DLGAP2: variants seen among roughly 807,000 people sequenced by gnomAD.
DLGAP2 encodes DLG associated protein 2, also known as disks large-associated protein 2.
A neutral mutation model predicts 100.3 loss-of-function variants in DLGAP2; 26 were observed. The observed-to-expected ratio is 0.26, with a 90% CI of 0.19 to 0.36. The LOEUF (loss-of-function observed/expected upper bound fraction) is 0.36, where lower values mean the gene tolerates loss of function less well. Ranked by LOEUF, DLGAP2 falls within the 10% of genes least tolerant of loss-of-function variation. DLGAP2 has a pLI of 1.00. For missense variants in DLGAP2, 1,858 were observed against 1,453.2 expected (o/e 1.28, Z -4.53); for synonymous variants, 886 against 630.1 (o/e 1.41, Z -6.08).
At chr8:1,326,080 A>G (rs528331467) in intron 3 of DLGAP2, among the ~76,000 whole-genome samples, 7 of 152,328 alleles carry the variant, frequency 4.6e-5, no homozygotes, top group African/African-American at 9.6e-5. Flanking sequence ...AGTGGACTCA[A>G]CTATACAGCT....
chr8:1,492,418 A>C (rs998274582), intron 3 of DLGAP2, among the ~76,000 whole-genome samples: 6 of 152,226 alleles, frequency 3.9e-5, no homozygotes. Context: ...ACTTTTCAAG[A>C]GTTAGAAGAA....
chr8:761,985 C>G (rs1008326810), intron 1 of DLGAP2, among the ~76,000 whole-genome samples: 1 of 152,170 alleles, frequency 6.6e-6, no homozygotes, highest in African/African-American at 2.4e-5. Context: ...CGAGGAGGAA[C>G]TGATGAACCC....
intron 2 of DLGAP2, among the ~76,000 whole-genome samples, chr8:983,744 G>A (rs1800408334): frequency 6.6e-6 from 1 of 152,048 alleles, no homozygotes; most frequent in Non-Finnish European, 1.5e-5. Context: ...CCAGGCTCAA[G>A]CAATCCTTTC....
At chr8:1,139,939 C>T (rs954483417) in intron 2 of DLGAP2, among the ~76,000 whole-genome samples, 4 of 152,142 alleles carry the variant, frequency 2.6e-5, no homozygotes, top group Non-Finnish European at 4.4e-5. Flanking sequence ...TGGTATTTGG[C>T]AGAGCGAGGC....
At chr8:1,267,581 AATAAAATAAGATAAGATAAGATAAG>A (rs1351124172) in intron 3 of DLGAP2, among the ~76,000 whole-genome samples, 4 of 64,956 alleles carry the variant, frequency 6.2e-5, no homozygotes, top group South Asian at 3.8e-4. Context: ...AATAAAATAA[AATAAAATAAGATAAGATAAGATAAG>A]ATAAGATAAG....
intron 1 of DLGAP2, among the ~76,000 whole-genome samples, chr8:773,272 A>G (rs1364320670): frequency 2.6e-5 from 4 of 151,066 alleles, no homozygotes; most frequent in African/African-American, 7.3e-5. Flanking sequence ...CAAGGGCACT[A>G]ATCCTATTGG....
intron 2 of DLGAP2, among the ~76,000 whole-genome samples, chr8:956,902 G>C (rs1402434388): frequency 6.6e-6 from 1 of 152,176 alleles, no homozygotes. Context: ...TTCCATGAGA[G>C]AATGGATGAA....
chr8:1,157,762 C>T (rs1796818627), intron 2 of DLGAP2, among the ~76,000 whole-genome samples: 1 of 152,220 alleles, frequency 6.6e-6, no homozygotes, highest in African/African-American at 2.4e-5. Context: ...CGTGGAGCTT[C>T]GTCATTTGAA....
chr8:1,165,249 A>C lies in DLGAP2; in HGVS notation c.74-93602A>C, dbSNP rs976086383. ...GGAGGAACAGAGGCAGAGGGAGAGG[A>C]AGACAGATGGAGAAGAAGGGAGACA... On this transcript the variant is annotated intron_variant, in intron 2 of 14. Transcript: ENST00000637795. Among the ~76,000 whole-genome samples, 4 of 151,206 alleles carry C rather than the reference A, an allele frequency of 2.6e-5. 1 individual carries two copies. Among genetic ancestry groups the C allele is most frequent in the Admixed American group, 2.0e-4 (3 of 15,202 alleles).
At chr8:1,559,900 G>A (rs201029619) in intron 5 of DLGAP2, among the ~76,000 whole-genome samples, 102 of 152,174 alleles carry the variant, frequency 6.7e-4, no homozygotes, top group East Asian at 5.2e-3. Flanking sequence ...AAGTAAACCC[G>A]GACCTCACCC....
intron 2 of DLGAP2, among the ~76,000 whole-genome samples, chr8:1,033,192 C>T (rs1047164741): frequency 2.2e-4 from 33 of 152,072 alleles, no homozygotes; most frequent in Admixed American, 2.2e-3. Flanking sequence ...TGATCATGGC[C>T]ATCAGCTCAG....
At chr8:1,559,266 T>A (rs1455273459) in intron 5 of DLGAP2, among the ~76,000 whole-genome samples, 2 of 152,188 alleles carry the variant, frequency 1.3e-5, no homozygotes, top group Non-Finnish European at 1.5e-5. Flanking sequence ...GGAAAGAAAT[T>A]TATTCATTCC....
At chr8:1,009,294 ATGTTCCC>A (rs1801210107) in intron 2 of DLGAP2, among the ~76,000 whole-genome samples, 2 of 152,216 alleles carry the variant, frequency 1.3e-5, no homozygotes, top group African/African-American at 4.8e-5. Context: ...AGACATTAGA[ATGTTCCC>A]AGTTTCCATT....
At chr8:970,833 T>A (rs990421648) in intron 2 of DLGAP2, among the ~76,000 whole-genome samples, 5 of 152,210 alleles carry the variant, frequency 3.3e-5, no homozygotes, top group Non-Finnish European at 5.9e-5. Flanking sequence ...ACCAAAGAGA[T>A]GCAATGAAAT....
intron 6 of DLGAP2, among the ~76,000 whole-genome samples, chr8:1,578,890 C>T (rs954697821): frequency 6.6e-6 from 1 of 152,230 alleles, no homozygotes; most frequent in African/African-American, 2.4e-5. Context: ...ATGGCCCCGT[C>T]TGTGGGTCAG....
intron 2 of DLGAP2, among the ~76,000 whole-genome samples, chr8:1,172,702 A>C (rs899949761): frequency 6.6e-6 from 1 of 151,912 alleles, no homozygotes; most frequent in African/African-American, 2.4e-5. Flanking sequence ...TGCATTCTTC[A>C]CATAGTTCCC....
At position 898,841 on chromosome 8, in the gene DLGAP2, G is replaced by A. The variant is rs1276153237; in HGVS notation, c.19-9071G>A. Among the ~76,000 whole-genome samples, 5 of 152,224 alleles carry A rather than the reference G, an allele frequency of 3.3e-5. No individual in the cohort carries two copies. In the South Asian group the frequency reaches 8.3e-4, roughly 25 times the overall value. On this transcript the variant is annotated intron_variant, in intron 1 of 14. Coordinates refer to ENST00000637795, the MANE Select transcript of DLGAP2 (RefSeq NM_001346810.2). The stretch of plus-strand genomic sequence containing the variant: ...TGGAGTTTCAGCTGCAGCTTTGAAG[G>A]GGGTTAATGGAGTGGATATCCCTGT...
At position 1,538,545 on chromosome 8, in the gene DLGAP2, C is replaced by T. The variant is rs535352493; in HGVS notation, c.173-10081C>T. On this transcript the variant is annotated intron_variant, in intron 4 of 14. Coordinates refer to ENST00000637795, the MANE Select transcript of DLGAP2 (RefSeq NM_001346810.2). ...CCATTTTGTGAAAAGATGAAAGCTGCTCCGTGCAGGGCGCATTCTGTGCAG... is the reference window on the plus strand; with the variant it reads ...CCATTTTGTGAAAAGATGAAAGCTGTTCCGTGCAGGGCGCATTCTGTGCAG... Among the ~76,000 whole-genome samples the T allele has an allele frequency of 1.1e-4, 17 of 152,330 alleles. No individual in the cohort carries two copies. The East Asian group carries it at 2.7e-3, about 24-fold the overall frequency.
chr8:1,151,542 C>T (rs906509385), intron 2 of DLGAP2, among the ~76,000 whole-genome samples: 9 of 152,148 alleles, frequency 5.9e-5, no homozygotes, highest in Non-Finnish European at 1.3e-4. Flanking sequence ...GCAGGCTTTC[C>T]GTCTCTGACG....
Sources: gnomAD v4.1 joint callset for allele counts (sites outside exome capture counted in the v4.1 genomes callset) on GRCh38, gnomAD v4.1.1 for gene constraint, MANE v1.5 for transcripts, NCBI Gene and HGNC (gene_info 2026-07-23, HGNC 2026-07-21) for gene names.